The following POLA1 variants were observed in gnomAD, a reference collection of about 807,000 sequenced individuals.
POLA1 encodes the protein DNA polymerase alpha 1, catalytic subunit.
In POLA1, 15 loss-of-function variants were observed where a neutral mutation model predicts 124.0. The observed-to-expected ratio is 0.12, with a 90% confidence interval of 0.08 to 0.19. POLA1 has a LOEUF of 0.19. Ranked by LOEUF, POLA1 falls within the 10% of genes least tolerant of loss-of-function variation. The pLI is 1.00. For missense variants in POLA1, 886 were observed against 1,103.4 expected, an observed-to-expected ratio of 0.80 and a Z score of 2.79; for synonymous variants, 408 against 389.4, an observed-to-expected ratio of 1.05 and a Z score of -0.56.
At chrX:24,982,147 G>A (rs1359457945) in intron 36 of POLA1, among the ~76,000 whole-genome samples, 1 of 109,376 alleles carries the variant, frequency 9.1e-6, no homozygotes, top group Non-Finnish European at 1.9e-5. Context: ...TTTAAAGTGG[G>A]CATTATGCCA....
At chrX:24,929,755 AC>A (rs1014475152) in intron 35 of POLA1, among the ~76,000 whole-genome samples, 1 of 112,182 alleles carries the variant, frequency 8.9e-6, no homozygotes, top group Admixed American at 9.4e-5. Context: ...ACTCTAAATA[AC>A]CTCAGGAATG....
At chrX:24,950,059 G>A (rs940483794) in intron 36 of POLA1, among the ~76,000 whole-genome samples, 2 of 112,053 alleles carry the variant, frequency 1.8e-5, no homozygotes, top group Non-Finnish European at 1.9e-5. Context: ...GCACTTTCAC[G>A]TGTCCTTTGT....
intron 26 of POLA1, among the ~76,000 whole-genome samples, chrX:24,753,469 C>T (rs1417811480): frequency 9.0e-6 from 1 of 110,562 alleles, no homozygotes; most frequent in East Asian, 2.8e-4. Context: ...CTTCTCCCCT[C>T]AGCCTCCCTA....
Position 24,996,813 on chromosome X carries a change from T to C in POLA1, c.*863T>C, listed in dbSNP as rs1458006233. ...AGGACCGTCTTTGGCAGCAGCAAAATGTATTTCAGTATGGCAGTCTTTCCT... is the reference window on the plus strand; with the variant it reads ...AGGACCGTCTTTGGCAGCAGCAAAACGTATTTCAGTATGGCAGTCTTTCCT... On this transcript the variant is annotated 3_prime_UTR_variant, in exon 37 of 37. Coordinates refer to ENST00000379068, the MANE Select transcript of POLA1 (RefSeq NM_001330360.2). The C allele has an allele frequency of 8.9e-6, 1 of 111,957 alleles. No individual in the cohort carries two copies. Among genetic ancestry groups the C allele is most frequent in the East Asian group, 2.8e-4 (1 of 3,614 alleles). 9.2% of individuals were successfully genotyped at this position (111,957 alleles called of 1,213,427 possible).
chrX:24,780,363 C>A (rs1388994346), intron 26 of POLA1, among the ~76,000 whole-genome samples: 1 of 112,691 alleles, frequency 8.9e-6, no homozygotes, highest in East Asian at 2.8e-4. Flanking sequence ...AAATACTTAT[C>A]TTGTTTCTGG....
At chrX:24,736,422 G>A (rs1010142236) in intron 18 of POLA1, among the ~76,000 whole-genome samples, 11 of 111,613 alleles carry the variant, frequency 9.9e-5, no homozygotes, top group African/African-American at 3.6e-4. Flanking sequence ...CAGGCCCTCA[G>A]TCAGCCTCCA....
intron 34 of POLA1, among the ~76,000 whole-genome samples, chrX:24,869,671 A>G (rs996512459): frequency 6.2e-5 from 7 of 112,119 alleles, no homozygotes; most frequent in African/African-American, 1.3e-4. Context: ...ATCCTAGACT[A>G]TAGAGGCTCA....
chrX:24,932,008 C>T (rs984716696), intron 36 of POLA1, among the ~76,000 whole-genome samples: 1 of 112,049 alleles, frequency 8.9e-6, no homozygotes, highest in Non-Finnish European at 1.9e-5. Flanking sequence ...AAATGATTCT[C>T]CTGCCTCAGC....
intron 34 of POLA1, among the ~76,000 whole-genome samples, chrX:24,881,214 AT>A (rs2046997390): frequency 8.9e-6 from 1 of 112,223 alleles, no homozygotes; most frequent in Non-Finnish European, 1.9e-5. Flanking sequence ...TTTATCCATT[AT>A]TTTAGTTCTG....
In POLA1 at chrX:24,956,552, T is replaced by C. The variant is rs1181518871; in HGVS notation, c.4261+26003T>C. 2.7e-5 allele frequency among the ~76,000 whole-genome samples: 3 copies of C among 110,536 alleles called. No individual in the cohort carries two copies. The East Asian group carries it at 8.5e-4, about 31-fold the overall frequency. ...CAAAGACTCCCTGACCAAAGAAGTTTAGAAAATGCTACATTCTATATCCCC... is the reference window on the plus strand; with the variant it reads ...CAAAGACTCCCTGACCAAAGAAGTTCAGAAAATGCTACATTCTATATCCCC... On this transcript the variant is annotated intron_variant, in intron 36 of 36. Transcript: ENST00000379068.
At chrX:24,916,862 A>G (rs964833660) in intron 35 of POLA1, among the ~76,000 whole-genome samples, 6 of 112,260 alleles carry the variant, frequency 5.3e-5, no homozygotes, top group Non-Finnish European at 9.4e-5. Flanking sequence ...TGTTTTTTGT[A>G]TTTTTTAAAT....
At chrX:24,954,208 T>A (rs932254252) in intron 36 of POLA1, among the ~76,000 whole-genome samples, 3 of 112,528 alleles carry the variant, frequency 2.7e-5, no homozygotes, top group Non-Finnish European at 5.6e-5. Flanking sequence ...TTAAGTATTG[T>A]CTCTTTTGAA....
At chrX:24,812,137 C>T (rs1029781308) in intron 28 of POLA1, among the ~76,000 whole-genome samples, 34 of 112,517 alleles carry the variant, frequency 3.0e-4, no homozygotes, top group Non-Finnish European at 1.1e-4. Context: ...TGCCTTGACC[C>T]TGTCAGAAAG....
At chrX:24,833,373 A>G (rs908611009) in intron 32 of POLA1, among the ~76,000 whole-genome samples, 8 of 111,635 alleles carry the variant, frequency 7.2e-5, no homozygotes, top group Admixed American at 6.6e-4. Context: ...ACGTGCAAGT[A>G]TCTTTTTGGT....
At chrX:24,889,706 ATGGAGTCC>A (rs753662292) in intron 35 of POLA1, among the ~76,000 whole-genome samples, 3 of 112,240 alleles carry the variant, frequency 2.7e-5, no homozygotes, top group Admixed American at 1.9e-4. Context: ...AGTTTTAGAA[ATGGAGTCC>A]TGCTATGTTG....
intron 36 of POLA1, among the ~76,000 whole-genome samples, chrX:24,931,580 G>C (rs1246175649): frequency 8.9e-6 from 1 of 112,138 alleles, no homozygotes; most frequent in Non-Finnish European, 1.9e-5. Context: ...TCAGATATTA[G>C]TATCTTATCT....
At chrX:24,955,128 T>G (rs1017116247) in intron 36 of POLA1, among the ~76,000 whole-genome samples, 16 of 110,686 alleles carry the variant, frequency 1.4e-4, no homozygotes, top group Admixed American at 6.7e-4. Flanking sequence ...TGTTTGTTTG[T>G]TTTTGGTTTT....
At chrX:24,809,830 C>A in intron 26 of POLA1, 68 bp from the exon 27 acceptor site, 2 of 636,144 alleles carry the variant, frequency 3.1e-6, no homozygotes, top group Non-Finnish European at 2.4e-6. Flanking sequence ...AGTTACCTAT[C>A]TCTATGTGCT....
intron 32 of POLA1, among the ~76,000 whole-genome samples, chrX:24,837,871 A>G (rs1246595496): frequency 8.9e-6 from 1 of 112,106 alleles, no homozygotes; most frequent in Non-Finnish European, 1.9e-5. Flanking sequence ...GCATGAACAT[A>G]TGTAAGGGTT....
Sources: allele counts gnomAD v4.1 joint callset (sites outside exome capture counted in the v4.1 genomes callset), GRCh38; gene constraint gnomAD v4.1.1; transcripts MANE v1.5; gene names NCBI Gene and HGNC (gene_info 2026-07-23, HGNC 2026-07-21).